KCNIP3: variants seen among roughly 807,000 people sequenced by gnomAD.
KCNIP3 encodes calsenilin.
Under a neutral mutation model 35.0 loss-of-function variants are expected in KCNIP3, and 28 were observed. That is an observed-to-expected ratio of 0.80 (90% CI 0.59 to 1.10). KCNIP3 has a LOEUF of 1.10. Ranked by LOEUF, KCNIP3 falls within the 50% of genes least tolerant of loss-of-function variation. The pLI is 0.00. For synonymous variants in KCNIP3, 134 were observed against 133.8 expected (o/e 1.00, Z -0.01); for missense variants, 295 against 338.4 (o/e 0.87, Z 1.01).
At chr2:95,321,050 T>C (rs1288892401) in intron 2 of KCNIP3, among the ~76,000 whole-genome samples, 1 of 66,908 alleles carries the variant, frequency 1.5e-5, no homozygotes, top group African/African-American at 5.9e-5. Flanking sequence ...CAGCCTCTCC[T>C]CCCCACACCC....
At chr2:95,383,904 T>C in intron 8 of KCNIP3, 98 bp from the exon 9 acceptor site, 2 of 1,013,622 alleles carry the variant, frequency 2.0e-6, no homozygotes, top group Non-Finnish European at 3.1e-6. Context: ...AGACAGGCAG[T>C]CGCTGCAGGC....
chr2:95,349,522 G>T (rs143635065), intron 2 of KCNIP3, among the ~76,000 whole-genome samples: 4 of 152,320 alleles, frequency 2.6e-5, no homozygotes, highest in African/African-American at 9.6e-5. Flanking sequence ...TTCCCTTGAT[G>T]ACTTCATGGA....
At chr2:95,301,149 T>C (rs546608947) in intron 1 of KCNIP3, among the ~76,000 whole-genome samples, 2 of 152,304 alleles carry the variant, frequency 1.3e-5, no homozygotes, top group African/African-American at 4.8e-5. Context: ...TAGCCCCACC[T>C]CTGCCCCACT....
intron 3 of KCNIP3, 98 bp from the exon 4 acceptor site, chr2:95,374,750 G>A (rs1680131130): frequency 7.2e-7 from 1 of 1,387,340 alleles, no homozygotes; most frequent in Non-Finnish European, 1.0e-6. Flanking sequence ...GCAGCAGGCA[G>A]CCCCCAAGGG....
chr2:95,328,879 T>G (rs1678855047), intron 2 of KCNIP3, among the ~76,000 whole-genome samples: 2 of 152,196 alleles, frequency 1.3e-5, no homozygotes, highest in South Asian at 4.1e-4. Context: ...TTGCTGGGCC[T>G]TAGCTATGCC....
chr2:95,303,991 G>A (rs533235763), intron 1 of KCNIP3, among the ~76,000 whole-genome samples: 2 of 152,300 alleles, frequency 1.3e-5, no homozygotes, highest in African/African-American at 4.8e-5. Context: ...CTATTTGATA[G>A]TCTAGTAAGT....
intron 2 of KCNIP3, among the ~76,000 whole-genome samples, chr2:95,330,426 G>C (rs1678898320): frequency 6.6e-6 from 1 of 152,316 alleles, no homozygotes; most frequent in East Asian, 1.9e-4. Context: ...TTGTGTCCCA[G>C]CCCTGCTCTC....
chr2:95,323,641 C>T (rs1237134285), intron 2 of KCNIP3, among the ~76,000 whole-genome samples: 1 of 152,188 alleles, frequency 6.6e-6, no homozygotes, highest in Non-Finnish European at 1.5e-5. Flanking sequence ...TTTCTGTTCC[C>T]ACCCCGTCAC....
At chr2:95,331,202 C>T (rs906787975) in intron 2 of KCNIP3, among the ~76,000 whole-genome samples, 2 of 152,052 alleles carry the variant, frequency 1.3e-5, no homozygotes, top group African/African-American at 4.8e-5. Flanking sequence ...GAGGGAGCAG[C>T]GGTACATTTG....
chr2:95,365,411 C>A (rs1679893568), intron 2 of KCNIP3, among the ~76,000 whole-genome samples: 1 of 152,184 alleles, frequency 6.6e-6, no homozygotes, highest in South Asian at 2.1e-4. Flanking sequence ...ATCCACCCGC[C>A]TCGGCCTCCC....
chr2:95,328,438 C>G (rs576315398), intron 2 of KCNIP3, among the ~76,000 whole-genome samples: 65 of 152,350 alleles, frequency 4.3e-4, no homozygotes, highest in African/African-American at 1.4e-3. Context: ...TGTCTGAGCG[C>G]CTGGAGGAGA....
chr2:95,345,131 G>A (rs1203369994), intron 2 of KCNIP3, among the ~76,000 whole-genome samples: 1 of 152,206 alleles, frequency 6.6e-6, no homozygotes, highest in Admixed American at 6.5e-5. Context: ...TAACGCCAAC[G>A]GCTCAGACAT....
intron 2 of KCNIP3, among the ~76,000 whole-genome samples, chr2:95,323,181 A>G (rs1257391028): frequency 6.6e-6 from 1 of 152,224 alleles, no homozygotes; most frequent in Admixed American, 6.5e-5. Flanking sequence ...AGAAAGGTGC[A>G]GAGCCACCTG....
chr2:95,319,375 C>T (rs376757072), intron 2 of KCNIP3, among the ~76,000 whole-genome samples: 39 of 152,300 alleles, frequency 2.6e-4, no homozygotes, highest in African/African-American at 8.2e-4. Flanking sequence ...TGTCCCTTAG[C>T]GGTGCCTTAG....
intron 1 of KCNIP3, among the ~76,000 whole-genome samples, chr2:95,305,897 A>G (rs913188550): frequency 2.6e-5 from 4 of 152,234 alleles, no homozygotes; most frequent in African/African-American, 9.6e-5. Flanking sequence ...TCACCCATTG[A>G]AGGGCATTGG....
intron 2 of KCNIP3, among the ~76,000 whole-genome samples, chr2:95,365,298 A>AT (rs769770057): frequency 2.0e-5 from 3 of 151,104 alleles, no homozygotes; most frequent in Non-Finnish European, 2.9e-5. Flanking sequence ...AGTAGCTGGG[A>AT]TTACAGGCGT....
At chr2:95,337,422 G>C (rs989882800) in intron 2 of KCNIP3, among the ~76,000 whole-genome samples, 1 of 151,710 alleles carries the variant, frequency 6.6e-6, no homozygotes, top group Non-Finnish European at 1.5e-5. Context: ...GGGGGCGGGG[G>C]AGGGAATGAT....
chr2:95,342,473 A>T (rs1016190960), intron 2 of KCNIP3, among the ~76,000 whole-genome samples: 1 of 152,246 alleles, frequency 6.6e-6, no homozygotes, highest in African/African-American at 2.4e-5. Flanking sequence ...TGCATTAGTT[A>T]GGACCCTGTT....
chr2:95,374,990 C>T (rs1373847317), intron 4 of KCNIP3, 73 bp downstream of exon 4: 2 of 1,553,910 alleles, frequency 1.3e-6, no homozygotes, highest in Non-Finnish European at 1.8e-6. Context: ...CCCCTTGCAT[C>T]CTGGAGGCTT....
Sources: allele counts gnomAD v4.1 joint callset (sites outside exome capture counted in the v4.1 genomes callset), GRCh38; gene constraint gnomAD v4.1.1; transcripts MANE v1.5; gene names NCBI Gene and HGNC (gene_info 2026-07-23, HGNC 2026-07-21).